The following COL10A1 variants were observed in gnomAD, a reference collection of about 807,000 sequenced individuals.
The protein encoded by COL10A1 is collagen alpha-1(X) chain.
Under a neutral mutation model 18.2 loss-of-function variants are expected in COL10A1, and 10 were observed. That is an observed-to-expected ratio of 0.55 (90% confidence interval 0.34 to 0.93). The LOEUF (loss-of-function observed/expected upper bound fraction) is 0.93. Among genes scored for constraint, COL10A1 ranks in the 40% least tolerant of loss-of-function variants. The probability of loss-of-function intolerance (pLI) is 0.02; values close to 1 mark genes in which losing one functional copy is unlikely to be tolerated. For synonymous variants in COL10A1, 330 were observed against 316.6 expected, an observed-to-expected ratio of 1.04 and a Z score of -0.45; for missense variants, 897 against 853.5, an observed-to-expected ratio of 1.05 and a Z score of -0.64.
the COL10A1 span, among the ~76,000 whole-genome samples, chr6:116,187,485 G>GT: frequency 2.0e-4 from 31 of 152,098 alleles, no homozygotes; most frequent in Admixed American, 9.8e-4. Context: ...TAAAGTTACA[G>GT]TAATTTGGTC....
At chr6:116,177,142 C>T in the COL10A1 span, among the ~76,000 whole-genome samples, 5 of 152,066 alleles carry the variant, frequency 3.3e-5, no homozygotes, top group Admixed American at 6.6e-5. Flanking sequence ...TTGATGCATA[C>T]GACTATAAAA....
At chr6:116,205,603 G>A in the COL10A1 span, among the ~76,000 whole-genome samples, 1 of 151,742 alleles carries the variant, frequency 6.6e-6, no homozygotes, top group Admixed American at 6.6e-5. Context: ...ATAAATTGGG[G>A]GGGAAAAAAG....
At chr6:116,170,506 A>C in the COL10A1 span, among the ~76,000 whole-genome samples, 3 of 152,180 alleles carry the variant, frequency 2.0e-5, no homozygotes, top group African/African-American at 7.2e-5. Flanking sequence ...TTTTGTGGAT[A>C]TATAACTAAA....
chr6:116,182,222 A>AGTGTGTGTGTGTGTGTGT, the COL10A1 span, among the ~76,000 whole-genome samples: 53 of 124,688 alleles, frequency 4.3e-4, no homozygotes, highest in African/African-American at 1.4e-3. Context: ...TTCCATGGAG[A>AGTGTGTGTGTGTGTGTGT]GTGTGTGTGT....
In COL10A1 at chr6:116,121,360, T is replaced by G. The variant is rs374691562; in HGVS notation, c.756A>C (p.Gln252His). The change falls in exon 3 of 3, where the codon CAA (glutamine) becomes CAC (histidine). Residue 252 changes from glutamine (Q) to histidine (H), a missense_variant. By Grantham distance (24) the Gln-to-His change is conservative. Coordinates refer to ENST00000651968, the MANE Select transcript of COL10A1 (RefSeq NM_000493.4). ...EMGPIGPPGP[Q>H]GPPGERGPEG... ...CTGGCCCTCGTTCCCCAGGAGGGCC[T>G]TGGGGACCTGGTGGGCCAATTGGTC... 6.2e-6 allele frequency: 10 copies of G among 1,614,062 alleles called. No individual in the cohort carries two copies. In the East Asian group the frequency reaches 2.2e-4, roughly 36 times the overall value.
chr6:116,158,344 C>T (rs1176326783), intron 1 of COL10A1, among the ~76,000 whole-genome samples: 1 of 151,836 alleles, frequency 6.6e-6, no homozygotes, highest in Non-Finnish European at 1.5e-5. Context: ...GTTTAAATCT[C>T]CTACTCAAGC....
At chr6:116,156,930 A>C (rs1487552201) in intron 1 of COL10A1, among the ~76,000 whole-genome samples, 1 of 152,108 alleles carries the variant, frequency 6.6e-6, no homozygotes, top group Admixed American at 6.6e-5. Context: ...CCCCTGGTGC[A>C]TTGACCAGCC....
intron 1 of COL10A1, among the ~76,000 whole-genome samples, chr6:116,136,468 G>GT (rs60569308): frequency 0.21 from 31,945 of 151,444 alleles, 3,541 homozygotes; most frequent in South Asian, 0.28. Context: ...GTTTTGTGGG[G>GT]TTTTTTTTAA....
At chr6:116,186,367 TG>T in the COL10A1 span, among the ~76,000 whole-genome samples, 1 of 151,824 alleles carries the variant, frequency 6.6e-6, no homozygotes, top group African/African-American at 2.4e-5. Context: ...GTGATCTTTT[TG>T]CGATGAATTT....
At chr6:116,140,700 C>A (rs1310626712) in intron 1 of COL10A1, among the ~76,000 whole-genome samples, 1 of 152,078 alleles carries the variant, frequency 6.6e-6, no homozygotes, top group Non-Finnish European at 1.5e-5. Flanking sequence ...GTTTTTCTTG[C>A]ATGTTTTTAA....
chr6:116,193,112 T>C, the COL10A1 span, among the ~76,000 whole-genome samples: 2 of 152,244 alleles, frequency 1.3e-5, no homozygotes, highest in East Asian at 1.9e-4. Flanking sequence ...AATATGCTTA[T>C]GAACTTTTGG....
chr6:116,151,553 T>G (rs1349221188), intron 1 of COL10A1, among the ~76,000 whole-genome samples: 2 of 152,248 alleles, frequency 1.3e-5, no homozygotes, highest in African/African-American at 4.8e-5. Context: ...TATTAAGTAA[T>G]GTATATATGT....
intron 1 of COL10A1, among the ~76,000 whole-genome samples, chr6:116,135,036 AC>A (rs377003946): frequency 1.3e-5 from 2 of 152,212 alleles, no homozygotes; most frequent in African/African-American, 4.8e-5. Flanking sequence ...ATTATCTTTT[AC>A]TCATCTGTAC....
upstream of COL10A1, among the ~76,000 whole-genome samples, chr6:116,130,478 G>A (rs1281476816): frequency 6.6e-6 from 1 of 151,112 alleles, no homozygotes; most frequent in Admixed American, 6.6e-5. Flanking sequence ...TCCTTCTAAT[G>A]TTTTGTACCT....
chr6:116,155,287 G>A (rs1780157901), intron 1 of COL10A1, among the ~76,000 whole-genome samples: 1 of 152,086 alleles, frequency 6.6e-6, no homozygotes, highest in South Asian at 2.1e-4. Context: ...CCAGATATCT[G>A]GGATAATCTG....
chr6:116,132,242 T>C (rs775672596), intron 1 of COL10A1, among the ~76,000 whole-genome samples: 2 of 152,200 alleles, frequency 1.3e-5, no homozygotes, highest in Non-Finnish European at 2.9e-5. Context: ...GTTGTTTAGA[T>C]TTTGTTGAAC....
At chr6:116,203,610 T>C in the COL10A1 span, among the ~76,000 whole-genome samples, 15 of 152,092 alleles carry the variant, frequency 9.9e-5, no homozygotes, top group East Asian at 2.7e-3. Flanking sequence ...CCACATTTTA[T>C]TTATTCATCC....
the COL10A1 span, among the ~76,000 whole-genome samples, chr6:116,206,800 G>A: frequency 2.6e-5 from 4 of 151,874 alleles, no homozygotes; most frequent in East Asian, 3.9e-4. Context: ...CTGTTAATTG[G>A]TCGAAGTCTA....
At chr6:116,205,127 G>A in the COL10A1 span, among the ~76,000 whole-genome samples, 13 of 151,894 alleles carry the variant, frequency 8.6e-5, no homozygotes, top group East Asian at 1.4e-3. Context: ...TGGTTAGGCC[G>A]GTAAAACCCC....
Sources: gnomAD v4.1 joint callset for allele counts (sites outside exome capture counted in the v4.1 genomes callset) on GRCh38, gnomAD v4.1.1 for gene constraint, MANE v1.5 for transcripts, NCBI Gene and HGNC (gene_info 2026-07-23, HGNC 2026-07-21) for gene names.